The following IL1RAPL1 variants were observed in gnomAD, a reference collection of about 807,000 sequenced individuals.
IL1RAPL1 encodes interleukin 1 receptor accessory protein like 1.
In IL1RAPL1, 3 loss-of-function variants were observed where a neutral mutation model predicts 48.4. That is an observed-to-expected ratio of 0.06 (90% CI 0.03 to 0.16). The LOEUF is 0.16. Among genes scored for constraint, IL1RAPL1 ranks in the 10% least tolerant of loss-of-function variants. The pLI is 1.00. For synonymous variants in IL1RAPL1, 185 were observed against 187.7 expected (o/e 0.99, Z 0.12); for missense variants, 349 against 530.6 (o/e 0.66, Z 3.36).
chrX:28,640,912 C>A (rs1429843548), intron 1 of IL1RAPL1, among the ~76,000 whole-genome samples: 1 of 110,628 alleles, frequency 9.0e-6, no homozygotes, highest in Non-Finnish European at 1.9e-5. Context: ...CTTAAAACAA[C>A]AACAAACATT....
intron 6 of IL1RAPL1, among the ~76,000 whole-genome samples, chrX:29,763,802 AT>A (rs1428640870): frequency 9.1e-6 from 1 of 110,372 alleles, no homozygotes; most frequent in Non-Finnish European, 1.9e-5. Flanking sequence ...GAAGACACCT[AT>A]TTCATTCCCT....
chrX:28,873,690 G>C (rs6630787), intron 2 of IL1RAPL1, among the ~76,000 whole-genome samples: 32,585 of 106,758 alleles, frequency 0.31, 3,940 homozygotes, highest in East Asian at 0.49. Context: ...CGCCACCACA[G>C]CCGGCTAATT....
chrX:28,972,949 C>A (rs1402918643), intron 2 of IL1RAPL1, among the ~76,000 whole-genome samples: 1 of 110,941 alleles, frequency 9.0e-6, no homozygotes, highest in Non-Finnish European at 1.9e-5. Context: ...TACTTTTTCC[C>A]ATCCTCATCC....
intron 2 of IL1RAPL1, among the ~76,000 whole-genome samples, chrX:28,877,977 C>T (rs1922415334): frequency 9.0e-6 from 1 of 111,654 alleles, no homozygotes; most frequent in Non-Finnish European, 1.9e-5. Context: ...TGTAAATGAG[C>T]ATTTAATAGA....
At chrX:29,405,617 C>T (rs777323601) in intron 5 of IL1RAPL1, among the ~76,000 whole-genome samples, 3 of 107,113 alleles carry the variant, frequency 2.8e-5, no homozygotes, top group African/African-American at 7.2e-5. Context: ...CCACCCGCCT[C>T]GGCCTCCCAA....
At chrX:28,765,534 TATC>T (rs920649671) in intron 1 of IL1RAPL1, among the ~76,000 whole-genome samples, 9 of 111,533 alleles carry the variant, frequency 8.1e-5, no homozygotes, top group Non-Finnish European at 1.5e-4. Context: ...AAGAAAATGA[TATC>T]ATGAGCGAAA....
chrX:29,495,960 C>T (rs1371935859), intron 5 of IL1RAPL1, among the ~76,000 whole-genome samples: 2 of 110,711 alleles, frequency 1.8e-5, no homozygotes, highest in African/African-American at 6.6e-5. Flanking sequence ...ACAATAAGTT[C>T]AGACATTTTT....
rs754405984 is a variant in IL1RAPL1 at position 29,127,243 on chromosome X, T to C, written c.83-155695T>C. On this transcript the variant is annotated intron_variant, in intron 2 of 10. Transcript: ENST00000378993. ...CAAAAATGACCCAATTCAGTGGTGC[T>C]GAAACTCTAGAGACATCAGAATCAC... Among the ~76,000 whole-genome samples, 5 of 110,889 alleles carry C rather than the reference T, an allele frequency of 4.5e-5. No homozygotes were observed. The East Asian group carries it at 1.4e-3, about 31-fold the overall frequency.
chrX:29,414,005 C>G (rs1206934693), intron 5 of IL1RAPL1, among the ~76,000 whole-genome samples: 3 of 110,650 alleles, frequency 2.7e-5, no homozygotes, highest in Non-Finnish European at 5.7e-5. Context: ...TCTAAGAAAT[C>G]AGGGGAACAT....
chrX:29,728,831 C>G (rs1927845828), intron 6 of IL1RAPL1, among the ~76,000 whole-genome samples: 1 of 112,157 alleles, frequency 8.9e-6, no homozygotes. Flanking sequence ...CAGATAGGAG[C>G]TGGGGTTGGA....
intron 2 of IL1RAPL1, among the ~76,000 whole-genome samples, chrX:29,111,166 T>C (rs1015782117): frequency 9.0e-6 from 1 of 111,404 alleles, no homozygotes. Context: ...TACCAATGTT[T>C]TGAACCCCCA....
intron 5 of IL1RAPL1, among the ~76,000 whole-genome samples, chrX:29,412,678 T>TG (rs1486108744): frequency 8.9e-6 from 1 of 112,010 alleles, no homozygotes; most frequent in Non-Finnish European, 1.9e-5. Context: ...GAAAGTGAAG[T>TG]GTGGTATCAG....
intron 2 of IL1RAPL1, among the ~76,000 whole-genome samples, chrX:28,831,877 C>G (rs1921067153): frequency 9.0e-6 from 1 of 110,790 alleles, no homozygotes; most frequent in African/African-American, 3.3e-5. Context: ...TTACTTTGTA[C>G]TTAACTTTTT....
chrX:29,771,529 T>TG (rs1187680109), intron 6 of IL1RAPL1, among the ~76,000 whole-genome samples: 1 of 112,046 alleles, frequency 8.9e-6, no homozygotes, highest in Non-Finnish European at 1.9e-5. Flanking sequence ...TTCAGTAGTT[T>TG]GGGGTCACTG....
At chrX:29,555,403 C>A (rs1456395597) in intron 5 of IL1RAPL1, among the ~76,000 whole-genome samples, 2 of 112,140 alleles carry the variant, frequency 1.8e-5, no homozygotes, top group East Asian at 2.8e-4. Context: ...CTCACTGATA[C>A]ATCCATTTCA....
chrX:28,611,723 C>T (rs1934149390), intron 1 of IL1RAPL1, among the ~76,000 whole-genome samples: 1 of 112,802 alleles, frequency 8.9e-6, no homozygotes, highest in African/African-American at 3.2e-5. Flanking sequence ...CTGCAAAGGG[C>T]ATCCCAGAGT....
At chrX:29,683,423 T>C (rs1160210271) in intron 6 of IL1RAPL1, among the ~76,000 whole-genome samples, 1 of 112,400 alleles carries the variant, frequency 8.9e-6, no homozygotes, top group East Asian at 2.8e-4. Context: ...CGTGATCCAG[T>C]AGGTACAGCT....
intron 2 of IL1RAPL1, among the ~76,000 whole-genome samples, chrX:28,976,455 A>G (rs1466615670): frequency 8.9e-6 from 1 of 111,845 alleles, no homozygotes; most frequent in Non-Finnish European, 1.9e-5. Context: ...AGCTTTTGAG[A>G]GGATAGAGTT....
chrX:29,706,853 A>G (rs1927214069), intron 6 of IL1RAPL1, among the ~76,000 whole-genome samples: 1 of 112,035 alleles, frequency 8.9e-6, no homozygotes, highest in African/African-American at 3.2e-5. Context: ...AGATAACACC[A>G]GAAAAACCCT....
Sources: gnomAD v4.1 joint callset for allele counts (sites outside exome capture counted in the v4.1 genomes callset) on GRCh38, gnomAD v4.1.1 for gene constraint, MANE v1.5 for transcripts, NCBI Gene and HGNC (gene_info 2026-07-23, HGNC 2026-07-21) for gene names.